PPM1H: variants seen among roughly 807,000 people sequenced by gnomAD.
PPM1H encodes the protein protein phosphatase 1H.
A neutral mutation model predicts 54.9 loss-of-function variants in PPM1H; 27 were observed. That is an observed-to-expected ratio of 0.49 (90% CI 0.36 to 0.68). PPM1H has a LOEUF of 0.68. Ranked by LOEUF, PPM1H falls within the 30% of genes least tolerant of loss-of-function variation. PPM1H has a pLI of 0.00. For missense variants in PPM1H, 596 were observed against 667.8 expected (o/e 0.89, Z 1.19); for synonymous variants, 305 against 270.8 (o/e 1.13, Z -1.24).
chr12:62,897,828 C>T (rs1055876126), intron 1 of PPM1H, among the ~76,000 whole-genome samples: 3 of 152,126 alleles, frequency 2.0e-5, no homozygotes, highest in African/African-American at 7.2e-5. Flanking sequence ...TCTCGGGGAG[C>T]ACCATGAGAA....
Position 62,934,823 on chromosome 12 carries a change from G to C in PPM1H, c.-87C>G. ...AGCGCGGGGCATGCAGGCTGCGGTG[G>C]GCGCCGGGCGCACGGCGAGTCGGGC... On this transcript the variant is annotated 5_prime_UTR_variant, in exon 1 of 10. Coordinates refer to ENST00000228705, the MANE Select transcript of PPM1H (RefSeq NM_020700.2). The surrounding 1 kb of genome is among the most constrained non-coding windows in gnomAD (Gnocchi z 4.2). The C allele has an allele frequency of 8.1e-7, 1 of 1,230,120 alleles. No individual in the cohort carries two copies. Among genetic ancestry groups the C allele is most frequent in the Non-Finnish European group, 1.0e-6 (1 of 975,366 alleles). 76.2% of individuals were successfully genotyped at this position (1,230,120 alleles called of 1,614,324 possible).
intron 2 of PPM1H, among the ~76,000 whole-genome samples, chr12:62,803,605 C>A (rs920956496): frequency 6.6e-6 from 1 of 151,914 alleles, no homozygotes. Context: ...TAGAAAAAAA[C>A]ATGGGGGAAA....
At chr12:62,673,713 C>CTTTTTTTTTTTTTTTTTTTTT (rs1192243731) in intron 8 of PPM1H, among the ~76,000 whole-genome samples, 2 of 47,570 alleles carry the variant, frequency 4.2e-5, no homozygotes, top group Admixed American at 3.3e-4. Context: ...AGAAGAGCCA[C>CTTTTTTTTTTTTTTTTTTTTT]TCTTTTTTTT....
At chr12:62,709,657 T>C (rs1178873549) in intron 6 of PPM1H, among the ~76,000 whole-genome samples, 1 of 152,226 alleles carries the variant, frequency 6.6e-6, no homozygotes, top group Non-Finnish European at 1.5e-5. Flanking sequence ...TCAAACCTTT[T>C]TGTATAACTC....
chr12:62,775,117 T>G (rs1156309129), intron 4 of PPM1H, among the ~76,000 whole-genome samples: 1 of 152,212 alleles, frequency 6.6e-6, no homozygotes, highest in South Asian at 2.1e-4. Flanking sequence ...CTGCGCTGGA[T>G]TGATAGAGGG....
intron 9 of PPM1H, among the ~76,000 whole-genome samples, chr12:62,657,846 T>A (rs1004213509): frequency 6.6e-6 from 1 of 152,158 alleles, no homozygotes; most frequent in Non-Finnish European, 1.5e-5. Context: ...ATTAATCTCT[T>A]CCTTCCAAGG....
chr12:62,842,119 C>T (rs897996558), intron 1 of PPM1H, among the ~76,000 whole-genome samples: 5 of 152,058 alleles, frequency 3.3e-5, no homozygotes, highest in African/African-American at 1.2e-4. Context: ...AAAATAAACG[C>T]CAATCCAAAT....
intron 9 of PPM1H, among the ~76,000 whole-genome samples, chr12:62,657,339 C>A (rs1360335953): frequency 1.3e-5 from 2 of 152,198 alleles, no homozygotes; most frequent in African/African-American, 4.8e-5. Flanking sequence ...CCTTCTCAAT[C>A]CTCCCTGGGA....
intron 6 of PPM1H, among the ~76,000 whole-genome samples, chr12:62,713,583 G>C (rs542462048): frequency 6.6e-6 from 1 of 152,150 alleles, no homozygotes; most frequent in African/African-American, 2.4e-5. Context: ...CCACCCCTCT[G>C]CTGACTCAGA....
intron 4 of PPM1H, among the ~76,000 whole-genome samples, chr12:62,738,279 C>T (rs2076361369): frequency 1.3e-5 from 2 of 152,004 alleles, no homozygotes; most frequent in South Asian, 2.1e-4. Context: ...TAATAAGATC[C>T]CCTGGTGATT....
intron 2 of PPM1H, among the ~76,000 whole-genome samples, chr12:62,807,377 A>G (rs917762889): frequency 1.3e-5 from 2 of 152,228 alleles, no homozygotes; most frequent in African/African-American, 4.8e-5. Flanking sequence ...CCTAAAAAAC[A>G]TTCAGTCACA....
intron 1 of PPM1H, among the ~76,000 whole-genome samples, chr12:62,921,312 T>C (rs944895882): frequency 7.2e-5 from 11 of 152,196 alleles, no homozygotes; most frequent in African/African-American, 2.4e-4. Flanking sequence ...AGGGTAAAGA[T>C]GCACCATTTT....
chr12:62,762,928 C>T (rs981756236), intron 4 of PPM1H, among the ~76,000 whole-genome samples: 2 of 152,098 alleles, frequency 1.3e-5, no homozygotes, highest in African/African-American at 4.8e-5. Flanking sequence ...TGCCTTTGGA[C>T]CTGAAGAACT....
chr12:62,882,382 G>A (rs960453520), intron 1 of PPM1H, among the ~76,000 whole-genome samples: 18 of 152,362 alleles, frequency 1.2e-4, no homozygotes, highest in African/African-American at 4.3e-4. Flanking sequence ...GGCAGCCAAG[G>A]CTTTGCCCCA....
chr12:62,890,604 C>T (rs1490218823), intron 1 of PPM1H, among the ~76,000 whole-genome samples: 3 of 151,952 alleles, frequency 2.0e-5, no homozygotes, highest in Non-Finnish European at 2.9e-5. Flanking sequence ...GAAAGGTAAA[C>T]AGCTATTAGC....
At chr12:62,886,903 A>G (rs1238212439) in intron 1 of PPM1H, among the ~76,000 whole-genome samples, 2 of 152,202 alleles carry the variant, frequency 1.3e-5, no homozygotes, top group African/African-American at 4.8e-5. Context: ...TGGCATTTAG[A>G]AAGCAAAACC....
At chr12:62,691,340 A>G (rs187238523) in intron 7 of PPM1H, among the ~76,000 whole-genome samples, 16 of 152,346 alleles carry the variant, frequency 1.1e-4, no homozygotes, top group Non-Finnish European at 1.9e-4. Context: ...ATTACCTCCT[A>G]TGAGTGGGGA....
chr12:62,712,230 T>C (rs549682728), intron 6 of PPM1H, among the ~76,000 whole-genome samples: 34 of 152,192 alleles, frequency 2.2e-4, no homozygotes, highest in Admixed American at 4.6e-4. Context: ...GGATAATCTA[T>C]TGAGGTTTGG....
intron 4 of PPM1H, among the ~76,000 whole-genome samples, chr12:62,745,489 G>A (rs541001930): frequency 1.3e-5 from 2 of 152,330 alleles, no homozygotes; most frequent in South Asian, 4.1e-4. Context: ...GAGTCTTCCT[G>A]AATGCTGATT....
Sources: allele counts gnomAD v4.1 joint callset (sites outside exome capture counted in the v4.1 genomes callset), GRCh38; gene constraint gnomAD v4.1.1; non-coding constraint Gnocchi (gnomAD v3.1); transcripts MANE v1.5; gene names NCBI Gene and HGNC (gene_info 2026-07-23, HGNC 2026-07-21).